The following LMAN1L variants were observed in gnomAD, a reference collection of about 807,000 sequenced individuals.
The protein encoded by LMAN1L is protein ERGIC-53-like.
LMAN1L carries 60 observed loss-of-function variants against 58.3 expected under a neutral mutation model. That is an observed-to-expected ratio of 1.03 (90% CI 0.84 to 1.27). LMAN1L has a LOEUF of 1.27. Ranked by LOEUF, LMAN1L falls within the 50% of genes most tolerant of loss-of-function variation. The pLI, the probability that LMAN1L is intolerant of heterozygous loss-of-function variation, is 0.00. For synonymous variants in LMAN1L, 280 were observed against 271.6 expected, an observed-to-expected ratio of 1.03 and a Z score of -0.31; for missense variants, 629 against 674.0, an observed-to-expected ratio of 0.93 and a Z score of 0.74.
chr15:74,824,658 C>T (rs2063933037), intron 13 of LMAN1L, 180 bp downstream of exon 13: 2 of 662,950 alleles, frequency 3.0e-6, no homozygotes, highest in South Asian at 4.1e-5. Context: ...TGACCACCTG[C>T]TCGGCCCCCA....
Position 74,824,364 on chromosome 15 carries a change from AG to A in LMAN1L, c.1339del (p.Ala447ProfsTer29). On this transcript the variant is annotated frameshift_variant, in exon 13 of 14. Transcript: ENST00000309664. LOFTEE classifies it high-confidence loss of function. ...ELRGPAKAAA[K>X]APRPPGQPPR... ...TTCCCCTTTCAGAAGGCAGCAGCCAAGGCCCCCCGCCCACCTGGCCAGCCCC... is the reference window on the plus strand; with the variant it reads ...TTCCCCTTTCAGAAGGCAGCAGCCAAGCCCCCCGCCCACCTGGCCAGCCCC... 6.2e-7 allele frequency: 1 copy of A among 1,613,918 alleles called. No homozygotes were observed. The highest frequency in any genetic ancestry group is 1.1e-5 in the South Asian group (1 of 91,072).
In LMAN1L at chr15:74,812,983, G is replaced by T; in HGVS notation, c.129G>T (p.Arg43Ser). The T allele has an allele frequency of 6.2e-7, 1 of 1,614,046 alleles. No individual in the cohort carries two copies. The highest frequency in any genetic ancestry group is 8.5e-7 in the Non-Finnish European group (1 of 1,179,966). Residue 43 changes from arginine (R) to serine (S), a missense_variant, in exon 1 of 14, where the codon AGG becomes AGT. Transcript: ENST00000309664. ...ACAAGCTCAGCTTCAAAGGCCCAAG[G>T]CTGGCATTGCCTGGGGCTGGAATAC... ...FEYKLSFKGP[R>S]LALPGAGIPF...
At chr15:74,820,315 G>A (rs2141116015) in intron 7 of LMAN1L, 2 of 619,676 alleles carry the variant, frequency 3.2e-6, no homozygotes, top group East Asian at 5.5e-5. Context: ...ACAGTTCAGA[G>A]CGATCAGTGC....
intron 3 of LMAN1L, 48 bp from the exon 4 acceptor site, chr15:74,816,584 C>T (rs776890998): frequency 2.5e-6 from 4 of 1,595,440 alleles, no homozygotes; most frequent in South Asian, 1.1e-5. Context: ...TCACACCCTC[C>T]CCCTCCCGCC....
At chr15:74,816,071 CG>C (rs2063888602) in intron 1 of LMAN1L, 85 bp from the exon 2 acceptor site, 1 of 1,457,436 alleles carries the variant, frequency 6.9e-7, no homozygotes, top group Non-Finnish European at 9.1e-7. Context: ...CCTTCTCTTC[CG>C]GGAGCCCAGC....
chr15:74,821,243 G>A lies in LMAN1L; in HGVS notation c.1059+17G>A. 1 of 1,546,920 alleles carries A rather than the reference G, an allele frequency of 6.5e-7. No individual in the cohort carries two copies. The highest frequency in any genetic ancestry group is 8.7e-7 in the Non-Finnish European group (1 of 1,146,164). ...GGAGGCTGGGTGAGAAGCCCTACAG[G>A]CATCCAAGGCTCCACCTGCGGGCCT... On this transcript the variant is annotated intron_variant, in intron 9 of 13. Transcript: ENST00000309664.
Position 74,825,499 on chromosome 15 carries a change from A to C in LMAN1L, c.1475A>C (p.Gln492Pro). The C allele has an allele frequency of 6.2e-7, 1 of 1,613,518 alleles. No homozygotes were observed. Among genetic ancestry groups the C allele is most frequent in the Non-Finnish European group, 8.5e-7 (1 of 1,179,534 alleles). The change falls in exon 14 of 14, where the codon CAG becomes CCG. Residue 492 changes from glutamine to proline, a missense_variant. Physicochemically the swap from Gln to Pro is moderately conservative, Grantham distance 76. Around this residue, in one of 3 missense-constraint regions of LMAN1L, gnomAD observed 53 missense variants for 59.7 expected, o/e 0.89. Transcript: ENST00000309664. ...HFRQELNKSLQECLSTGSLPL... is the reference protein window; with the variant it reads ...HFRQELNKSLPECLSTGSLPL... The stretch of plus-strand genomic sequence containing the variant: ...AGGCAGGAGCTGAACAAGAGCCTTC[A>C]GGAGTGTCTGTCCACAGGCAGCCTT...
In LMAN1L at chr15:74,825,388, T is replaced by G. The variant is rs2063936732; in HGVS notation, c.1452-88T>G. On this transcript the variant is annotated intron_variant, in intron 13 of 13. Coordinates refer to ENST00000309664, the MANE Select transcript of LMAN1L (RefSeq NM_021819.3). ...ACAGCGGAGGTTGTGGTGCAGTGAG[T>G]GTAGCAAGGCAAGCATGAGAGTCCT... is the stretch of plus-strand genomic sequence containing the variant. 6.4e-6 allele frequency: 9 copies of G among 1,408,300 alleles called. No homozygotes were observed. In the African/African-American group the frequency reaches 1.0e-4, roughly 16 times the overall value. The allele number at this position is 1,408,300 out of a possible 1,614,324, so 87.2% of individuals were successfully genotyped here. A position where few individuals can be genotyped will look rare whatever the true frequency, so the allele number is the denominator to read the frequency against.
chr15:74,821,999 C>A (rs2063918957), intron 10 of LMAN1L, 99 bp downstream of exon 10: 1 of 791,488 alleles, frequency 1.3e-6, no homozygotes, highest in African/African-American at 1.7e-5. Flanking sequence ...GCCTCTGCTT[C>A]CTTCAGGGGA....
At chr15:74,823,725 C>T (rs369011196) in intron 12 of LMAN1L, 43 bp downstream of exon 12, 106 of 1,596,848 alleles carry the variant, frequency 6.6e-5, no homozygotes, top group Non-Finnish European at 8.4e-5. Context: ...CCAACCTTGA[C>T]GTCTGGGCTC....
chr15:74,812,980 A>G lies in LMAN1L; in HGVS notation c.126A>G (p.Pro42=), dbSNP rs754825612. The change falls in exon 1 of 14, where the codon CCA becomes CCG. Residue 42 remains proline (P), a synonymous_variant. Coordinates refer to ENST00000309664, the MANE Select transcript of LMAN1L (RefSeq NM_021819.3). The part of the protein sequence containing the change: ...RFEYKLSFKG[P]RLALPGAGIP... ...AGTACAAGCTCAGCTTCAAAGGCCC[A>G]AGGCTGGCATTGCCTGGGGCTGGAA... is the stretch of plus-strand genomic sequence containing the variant. The G allele has an allele frequency of 6.2e-7, 1 of 1,613,986 alleles. No homozygotes were observed. Among genetic ancestry groups the G allele is most frequent in the Non-Finnish European group, 8.5e-7 (1 of 1,179,964 alleles).
chr15:74,819,591 G>C, intron 6 of LMAN1L: 1 of 500,992 alleles, frequency 2.0e-6, no homozygotes, highest in Non-Finnish European at 3.5e-6. Context: ...TCCACGGAGG[G>C]TCCCACAGCG....
chr15:74,822,452 G>GAA (rs1261396967), intron 10 of LMAN1L, among the ~76,000 whole-genome samples, 190 bp from the exon 11 acceptor site: 1 of 152,204 alleles, frequency 6.6e-6, no homozygotes, highest in African/African-American at 2.4e-5. Context: ...GGGGAGAGGG[G>GAA]CGTGAGTGGA....
At chr15:74,815,656 T>C (rs1319264322) in intron 1 of LMAN1L, among the ~76,000 whole-genome samples, 3 of 152,038 alleles carry the variant, frequency 2.0e-5, no homozygotes, top group Non-Finnish European at 4.4e-5. Context: ...CAGCCTAGAG[T>C]CTTGGGCCTT....
chr15:74,814,908 CA>C (rs2063883953), intron 1 of LMAN1L, among the ~76,000 whole-genome samples: 1 of 152,218 alleles, frequency 6.6e-6, no homozygotes, highest in African/African-American at 2.4e-5. Context: ...CTGTTTCTCA[CA>C]GCACCAAGCT....
intron 1 of LMAN1L, 62 bp downstream of exon 1, chr15:74,813,091 G>T: frequency 6.5e-7 from 1 of 1,536,422 alleles, no homozygotes; most frequent in South Asian, 1.2e-5. Flanking sequence ...GAGGGGCTGT[G>T]ACTTGGTGGG....
chr15:74,820,081 G>C lies in LMAN1L; in HGVS notation c.756G>C (p.Leu252=). The change falls in exon 7 of 14, where the codon CTG becomes CTC. Residue 252 remains leucine, a synonymous_variant. Transcript: ENST00000309664. ...TCCTGTCCTTCCTGACCTTCAGCCT[G>C]AGTGAGCCCAGCCCAGAGGTGATGC... ...HDVLSFLTFS[L]SEPSPEVPPQ... 2 of 1,614,138 alleles carry C rather than the reference G, an allele frequency of 1.2e-6. No homozygotes were observed. Among genetic ancestry groups the C allele is most frequent in the Non-Finnish European group, 8.5e-7 (1 of 1,179,990 alleles).
chr15:74,819,143 G>T lies in LMAN1L; in HGVS notation c.598-9G>T. 1 of 1,603,902 alleles carries T rather than the reference G, an allele frequency of 6.2e-7. No homozygotes were observed. Reference sequence around the variant, plus strand: ...CCCCCCCACTGCTCACTCTCTCCATGTCCCTCAGATGTCCTTGAACAGTGG... The same window carrying T: ...CCCCCCCACTGCTCACTCTCTCCATTTCCCTCAGATGTCCTTGAACAGTGG... On this transcript the variant is annotated splice_polypyrimidine_tract_variant and intron_variant, in intron 5 of 13. Coordinates refer to ENST00000309664, the MANE Select transcript of LMAN1L (RefSeq NM_021819.3).
chr15:74,813,325 G>A, intron 1 of LMAN1L: 1 of 539,602 alleles, frequency 1.9e-6, no homozygotes, highest in Non-Finnish European at 3.6e-6. Context: ...CCTCTGACCT[G>A]TGAACACACA....
Sources: gnomAD v4.1 joint callset for allele counts (sites outside exome capture counted in the v4.1 genomes callset) on GRCh38, gnomAD v4.1.1 for gene constraint, gnomAD v4.1.1 regional missense constraint, MANE v1.5 for transcripts, NCBI Gene and HGNC (gene_info 2026-07-23, HGNC 2026-07-21) for gene names.